Variants in CHLSN observed in about 807,000 individuals in gnomAD.
CHLSN encodes protein cholesin.
At chr7:989,107 G>C in the CHLSN span, 19 of 425,254 alleles carry the variant, frequency 4.5e-5, no homozygotes, top group South Asian at 1.3e-3. Flanking sequence ...CCCTGAAGCT[G>C]CACTCCCACC....
the CHLSN span, among the ~76,000 whole-genome samples, chr7:1,019,930 T>C: frequency 6.6e-6 from 1 of 152,164 alleles, no homozygotes; most frequent in East Asian, 1.9e-4. Context: ...CAAGCTACAG[T>C]GCGTTTCCCG....
the CHLSN span, chr7:1,010,206 C>G: frequency 4.5e-5 from 67 of 1,478,226 alleles, no homozygotes; most frequent in Non-Finnish European, 5.7e-5. Context: ...GGTGCGCTGC[C>G]TGGGGCTTCC....
At chr7:1,017,360 C>A in the CHLSN span, among the ~76,000 whole-genome samples, 1 of 152,076 alleles carries the variant, frequency 6.6e-6, no homozygotes, top group Admixed American at 6.6e-5. Context: ...AGGACACCAC[C>A]AGCCTGGCCT....
the CHLSN span, among the ~76,000 whole-genome samples, chr7:1,070,714 G>A: frequency 0.012 from 1,642 of 142,196 alleles, 26 homozygotes; most frequent in African/African-American, 0.041. Context: ...ACATGAACAC[G>A]CACACGCGCA....
the CHLSN span, among the ~76,000 whole-genome samples, chr7:1,032,730 G>A: frequency 7.7e-4 from 118 of 152,360 alleles, 1 homozygote; most frequent in Non-Finnish European, 1.4e-3. Flanking sequence ...GGCTGCTCCA[G>A]TCTGTCCATG....
chr7:1,021,455 G>C, the CHLSN span: 1 of 985,470 alleles, frequency 1.0e-6, no homozygotes. Context: ...CATTAAGTCT[G>C]ATCGGCAGTG....
At chr7:1,041,958 C>CAGGGGA in the CHLSN span, among the ~76,000 whole-genome samples, 1 of 152,222 alleles carries the variant, frequency 6.6e-6, no homozygotes, top group Non-Finnish European at 1.5e-5. Flanking sequence ...CTGAATGCGG[C>CAGGGGA]AGGGGAAGGG....
the CHLSN span, chr7:1,127,116 G>A: frequency 5.6e-6 from 5 of 887,040 alleles, no homozygotes; most frequent in South Asian, 2.3e-5. Context: ...CTTCTGGAAG[G>A]CACCAAGCCC....
At chr7:1,084,701 G>A in the CHLSN span, among the ~76,000 whole-genome samples, 4 of 152,198 alleles carry the variant, frequency 2.6e-5, no homozygotes, top group Admixed American at 2.0e-4. Flanking sequence ...GTAGACCCAC[G>A]CACCCCCACT....
chr7:1,076,463 C>T, the CHLSN span, among the ~76,000 whole-genome samples: 4 of 152,218 alleles, frequency 2.6e-5, no homozygotes, highest in African/African-American at 4.8e-5. Context: ...CCTGTGGCAC[C>T]GGTGGTTTCC....
chr7:1,013,424 C>CT, the CHLSN span, among the ~76,000 whole-genome samples: 240 of 152,310 alleles, frequency 1.6e-3, 2 homozygotes, highest in African/African-American at 5.5e-3. Flanking sequence ...CTTCTAGGGA[C>CT]TTGAGTTTCA....
chr7:1,084,810 G>A, the CHLSN span, among the ~76,000 whole-genome samples: 6 of 152,230 alleles, frequency 3.9e-5, no homozygotes, highest in South Asian at 4.1e-4. Flanking sequence ...AGCCGGCAAC[G>A]CTGAAAACCA....
At chr7:1,075,871 A>G in the CHLSN span, 1 of 151,772 alleles carries the variant, frequency 6.6e-6, no homozygotes, top group Admixed American at 6.6e-5. Flanking sequence ...AAGTTCTGGG[A>G]TTACAGGCAT....
At chr7:1,091,021 T>C in the CHLSN span, among the ~76,000 whole-genome samples, 20 of 152,274 alleles carry the variant, frequency 1.3e-4, no homozygotes, top group African/African-American at 4.6e-4. Flanking sequence ...TACTTCTCCA[T>C]CAGCTGCTGA....
chr7:1,011,754 C>T, the CHLSN span, among the ~76,000 whole-genome samples: 268 of 152,014 alleles, frequency 1.8e-3, no homozygotes, highest in African/African-American at 5.9e-3. Context: ...CATACACACA[C>T]GCCAACACAC....
the CHLSN span, among the ~76,000 whole-genome samples, chr7:1,085,892 G>A: frequency 2.6e-5 from 4 of 152,172 alleles, no homozygotes; most frequent in South Asian, 6.2e-4. Flanking sequence ...AATAGTCCAC[G>A]AGATTCCTGC....
chr7:1,064,310 G>T, the CHLSN span, among the ~76,000 whole-genome samples: 8 of 152,142 alleles, frequency 5.3e-5, no homozygotes, highest in Non-Finnish European at 1.0e-4. Flanking sequence ...AACAGGCCCC[G>T]GAAAGACGCA....
At chr7:1,127,525 T>A in the CHLSN span, 1 of 859,794 alleles carries the variant, frequency 1.2e-6, no homozygotes, top group Non-Finnish European at 1.7e-6. Context: ...AAAGTTAAAA[T>A]AAACTCAAAC....
chr7:991,011 G>A, the CHLSN span, among the ~76,000 whole-genome samples: 1 of 152,052 alleles, frequency 6.6e-6, no homozygotes, highest in Non-Finnish European at 1.5e-5. Flanking sequence ...TCCTGGGTGG[G>A]GTGAAGGACT....
Sources: gnomAD v4.1 joint callset for allele counts (sites outside exome capture counted in the v4.1 genomes callset) on GRCh38, gnomAD v4.1.1 for gene constraint, MANE v1.5 for transcripts, NCBI Gene and HGNC (gene_info 2026-07-23, HGNC 2026-07-21) for gene names.